The following ZC3H12C variants were observed in gnomAD, a reference collection of about 807,000 sequenced individuals.
ZC3H12C encodes probable ribonuclease ZC3H12C.
ZC3H12C carries 20 observed loss-of-function variants against 76.3 expected under a neutral mutation model. The ratio of observed to expected loss-of-function variants is 0.26; its 90% CI spans 0.18 to 0.38. ZC3H12C has a LOEUF of 0.38. Among genes scored for constraint, ZC3H12C ranks in the 10% least tolerant of loss-of-function variants. ZC3H12C has a pLI of 1.00. For synonymous variants in ZC3H12C, 352 were observed against 399.6 expected, an observed-to-expected ratio of 0.88 and a Z score of 1.42; for missense variants, 874 against 1,086.5, an observed-to-expected ratio of 0.80 and a Z score of 2.75.
intron 1 of ZC3H12C, among the ~76,000 whole-genome samples, chr11:110,103,397 A>T (rs948784056): frequency 6.6e-6 from 1 of 152,236 alleles, no homozygotes; most frequent in Non-Finnish European, 1.5e-5. Context: ...TTCAAATAAT[A>T]TGTAGCCTAT....
At chr11:110,117,703 AT>A (rs1861554639) in intron 1 of ZC3H12C, among the ~76,000 whole-genome samples, 4 of 116,312 alleles carry the variant, frequency 3.4e-5, no homozygotes, top group South Asian at 5.1e-4. Context: ...ACACATATAT[AT>A]TATATATATA....
chr11:110,097,121 CATT>C (rs2134139921), intron 1 of ZC3H12C, among the ~76,000 whole-genome samples: 1 of 152,190 alleles, frequency 6.6e-6, no homozygotes, highest in East Asian at 1.9e-4. Flanking sequence ...ACTCATTTAA[CATT>C]ATGGCAAATT....
At chr11:110,162,383 A>G (rs1457521965) in intron 4 of ZC3H12C, among the ~76,000 whole-genome samples, 1 of 152,218 alleles carries the variant, frequency 6.6e-6, no homozygotes, top group Non-Finnish European at 1.5e-5. Flanking sequence ...AATAATAAAC[A>G]CTGTGGTTGC....
intron 1 of ZC3H12C, among the ~76,000 whole-genome samples, chr11:110,122,136 A>T (rs1157860158): frequency 6.6e-6 from 1 of 152,214 alleles, no homozygotes; most frequent in Non-Finnish European, 1.5e-5. Flanking sequence ...TAAAGATATG[A>T]TTGTGCAGAT....
At chr11:110,157,430 C>CTTTTT (rs1238127792) in intron 3 of ZC3H12C, among the ~76,000 whole-genome samples, 3 of 114,048 alleles carry the variant, frequency 2.6e-5, no homozygotes, top group African/African-American at 3.2e-5. Context: ...AAGGTCTGGT[C>CTTTTT]TTTTTTTTTT....
At chr11:110,127,060 G>A (rs930901399) in intron 1 of ZC3H12C, among the ~76,000 whole-genome samples, 7 of 152,064 alleles carry the variant, frequency 4.6e-5, no homozygotes, top group Admixed American at 3.3e-4. Flanking sequence ...TGGGACTTTC[G>A]GCGTCTGCCT....
At chr11:110,132,094 T>C (rs1220488265) in intron 1 of ZC3H12C, among the ~76,000 whole-genome samples, 2 of 152,226 alleles carry the variant, frequency 1.3e-5, no homozygotes, top group African/African-American at 4.8e-5. Flanking sequence ...ATTGTTCTCA[T>C]AGTATTACCA....
chr11:110,111,697 A>ATT (rs11387069), intron 1 of ZC3H12C, among the ~76,000 whole-genome samples: 27,786 of 131,754 alleles, frequency 0.21, 2,978 homozygotes, highest in Middle Eastern at 0.34. Context: ...GGCCTGACTG[A>ATT]TTTTTTTTTT....
intron 3 of ZC3H12C, among the ~76,000 whole-genome samples, chr11:110,156,294 T>G (rs1277068682): frequency 6.6e-6 from 1 of 152,208 alleles, no homozygotes; most frequent in Non-Finnish European, 1.5e-5. Context: ...AGAAATATTT[T>G]TAAGTTGTCA....
At chr11:110,115,748 C>CTTTTTTTTTT (rs71476067) in intron 1 of ZC3H12C, among the ~76,000 whole-genome samples, 6 of 120,320 alleles carry the variant, frequency 5.0e-5, no homozygotes, top group African/African-American at 6.4e-5. Context: ...TTCTCATTTT[C>CTTTTTTTTTT]TTTTTTTTTT....
At chr11:110,132,287 C>T (rs993071860) in intron 1 of ZC3H12C, among the ~76,000 whole-genome samples, 1 of 151,840 alleles carries the variant, frequency 6.6e-6, no homozygotes, top group African/African-American at 2.4e-5. Context: ...CTAATGAGAA[C>T]TTTCAGAAAA....
At chr11:110,113,446 T>G (rs534609054) in intron 1 of ZC3H12C, among the ~76,000 whole-genome samples, 1 of 151,172 alleles carries the variant, frequency 6.6e-6, no homozygotes, top group South Asian at 2.1e-4. Context: ...TTTTAATGTG[T>G]TAGTAAAAAG....
At chr11:110,158,380 G>A (rs1362655965) in intron 3 of ZC3H12C, among the ~76,000 whole-genome samples, 1 of 151,974 alleles carries the variant, frequency 6.6e-6, no homozygotes. Context: ...CGTGGTGACA[G>A]GCGCCTGTAA....
intron 3 of ZC3H12C, among the ~76,000 whole-genome samples, chr11:110,155,054 G>C (rs1469071466): frequency 6.6e-6 from 1 of 152,092 alleles, no homozygotes; most frequent in Non-Finnish European, 1.5e-5. Flanking sequence ...TTGGGAGACC[G>C]AGGCAGATGG....
intron 1 of ZC3H12C, among the ~76,000 whole-genome samples, chr11:110,134,805 G>A (rs1861926042): frequency 6.6e-6 from 1 of 152,054 alleles, no homozygotes; most frequent in Non-Finnish European, 1.5e-5. Flanking sequence ...TCTTCTCAGG[G>A]AATAGGCCCT....
chr11:110,122,787 A>G (rs1287807765), intron 1 of ZC3H12C, among the ~76,000 whole-genome samples: 2 of 152,212 alleles, frequency 1.3e-5, no homozygotes, highest in East Asian at 1.9e-4. Context: ...ATAAGCTACG[A>G]TACTCAGTAT....
At chr11:110,097,510 A>G (rs1452814188) in intron 1 of ZC3H12C, among the ~76,000 whole-genome samples, 1 of 152,244 alleles carries the variant, frequency 6.6e-6, no homozygotes, top group African/African-American at 2.4e-5. Context: ...TGAGAACGCT[A>G]TGAAACATTT....
rs1565273472 is a variant in ZC3H12C, at chr11:110,169,468, C to CCAA, written c.*3733_*3735dup. 6.6e-6 allele frequency: 1 copy of CCAA among 151,712 alleles called. No homozygotes were observed. Among genetic ancestry groups the CCAA allele is most frequent in the Non-Finnish European group, 1.5e-5 (1 of 67,920 alleles). The allele number at this position is 151,712 out of a possible 1,614,324, so 9.4% of individuals were successfully genotyped here. On this transcript the variant is annotated 3_prime_UTR_variant, in exon 6 of 6. Coordinates refer to ENST00000278590, the MANE Select transcript of ZC3H12C (RefSeq NM_033390.2). ...TGGTTTTCATTATTCTTTTTGCTCT[C>CCAA]CAACTTCCTTATTCAAGATAAAATA...
At chr11:110,142,287 C>T (rs1862079770) in intron 2 of ZC3H12C, among the ~76,000 whole-genome samples, 1 of 152,148 alleles carries the variant, frequency 6.6e-6, no homozygotes, top group Non-Finnish European at 1.5e-5. Context: ...GCAAACTTTC[C>T]TATTATCTCA....
Sources: allele counts gnomAD v4.1 joint callset (sites outside exome capture counted in the v4.1 genomes callset), GRCh38; gene constraint gnomAD v4.1.1; transcripts MANE v1.5; gene names NCBI Gene and HGNC (gene_info 2026-07-23, HGNC 2026-07-21).